GNAO1: variants seen among roughly 807,000 people sequenced by gnomAD.
GNAO1 encodes guanine nucleotide-binding protein G(o) subunit alpha.
For missense variants in GNAO1, 166 were observed against 478.7 expected (o/e 0.35, Z 6.10); for synonymous variants, 164 against 180.7 (o/e 0.91, Z 0.74).
At position 56,351,766 on chromosome 16, in the gene GNAO1, G is replaced by A; in HGVS notation, c.877+229G>A. On this transcript the variant is annotated intron_variant, in intron 7 of 8. Coordinates refer to ENST00000262493, the MANE Select transcript of GNAO1 (RefSeq NM_020988.3). The surrounding 1 kb of genome is among the most constrained non-coding windows in gnomAD (Gnocchi z 6.1). ...GGCCCCTCCTAAGATATATGTGTTAGGACCAAGTGACTCAGGAGTGGTGGG... is the reference window on the plus strand; with the variant it reads ...GGCCCCTCCTAAGATATATGTGTTAAGACCAAGTGACTCAGGAGTGGTGGG... 1 of 516,532 alleles carries A rather than the reference G, an allele frequency of 1.9e-6. No homozygotes were observed. Among genetic ancestry groups the A allele is most frequent in the South Asian group, 2.4e-5 (1 of 42,422 alleles). 32.0% of individuals were successfully genotyped at this position (516,532 alleles called of 1,614,324 possible). A position where few individuals can be genotyped will look rare whatever the true frequency, so the allele number is the denominator to read the frequency against.
At chr16:56,340,355 C>T (rs1350781916) in intron 6 of GNAO1, 1 of 152,694 alleles carries the variant, frequency 6.5e-6, no homozygotes, top group African/African-American at 2.4e-5. Context: ...ATTCGAGGAT[C>T]TCTTAGTCCT....
chr16:56,238,142 T>A (rs1463805864), intron 2 of GNAO1, among the ~76,000 whole-genome samples: 1 of 149,300 alleles, frequency 6.7e-6, no homozygotes, highest in Non-Finnish European at 1.5e-5. Context: ...GGGACGACTT[T>A]TTTTCAGCAG....
chr16:56,234,061 C>T (rs188092689), intron 2 of GNAO1, among the ~76,000 whole-genome samples: 1 of 152,338 alleles, frequency 6.6e-6, no homozygotes, highest in East Asian at 1.9e-4. Context: ...GGTTGATTCA[C>T]TTCTTTCCTT....
chr16:56,339,172 C>T (rs2037773263), intron 6 of GNAO1, among the ~76,000 whole-genome samples: 1 of 152,258 alleles, frequency 6.6e-6, no homozygotes, highest in African/African-American at 2.4e-5. Flanking sequence ...CAGTCATCGC[C>T]GTGCGCTGGG....
At chr16:56,353,712 G>C (rs1333589955) in intron 7 of GNAO1, among the ~76,000 whole-genome samples, 1 of 152,224 alleles carries the variant, frequency 6.6e-6, no homozygotes, top group Non-Finnish European at 1.5e-5. Flanking sequence ...CTCCTGGGCA[G>C]GGTCCACACG....
Position 56,316,660 on chromosome 16 carries a change from C to A in GNAO1, c.304-11971C>A, listed in dbSNP as rs569133382. On this transcript the variant is annotated intron_variant, in intron 3 of 8. Coordinates refer to ENST00000262493, the MANE Select transcript of GNAO1 (RefSeq NM_020988.3). ...TCCACAAACCTGTTCCTCCTGAGGCCCAGACCCTGCCTCCCTGGGGTGGCC... is the reference window on the plus strand; with the variant it reads ...TCCACAAACCTGTTCCTCCTGAGGCACAGACCCTGCCTCCCTGGGGTGGCC... Among the ~76,000 whole-genome samples, 10 of 152,274 alleles carry A rather than the reference C, an allele frequency of 6.6e-5. No homozygotes were observed. In the South Asian group the frequency reaches 2.1e-3, roughly 32 times the overall value.
chr16:56,296,162 A>G (rs1276049674), intron 3 of GNAO1, among the ~76,000 whole-genome samples: 2 of 152,226 alleles, frequency 1.3e-5, no homozygotes, highest in South Asian at 2.1e-4. Flanking sequence ...TTGCCAGCCA[A>G]AACCGAATGG....
chr16:56,229,258 G>A (rs969769959), intron 2 of GNAO1, among the ~76,000 whole-genome samples: 2 of 152,150 alleles, frequency 1.3e-5, no homozygotes, highest in East Asian at 1.9e-4. Flanking sequence ...AGGCTGGAGT[G>A]CAGTGGCATA....
chr16:56,203,078 A>G (rs78815565), intron 2 of GNAO1, among the ~76,000 whole-genome samples: 1,719 of 152,278 alleles, frequency 0.011, 37 homozygotes, highest in African/African-American at 0.035. Flanking sequence ...TCAATTCTCA[A>G]AGGTGCAGAA....
chr16:56,356,053 T>TA (rs1229538505), intron 8 of GNAO1, 50 bp from the exon 9 acceptor site: 2 of 152,630 alleles, frequency 1.3e-5, no homozygotes, highest in Non-Finnish European at 2.9e-5. Flanking sequence ...GGTTGGTTTT[T>TA]AAAATCAAAG....
intron 3 of GNAO1, among the ~76,000 whole-genome samples, chr16:56,281,524 A>G (rs1177402358): frequency 7.1e-6 from 1 of 141,612 alleles, no homozygotes; most frequent in Non-Finnish European, 1.5e-5. Context: ...CTCCCCTTCT[A>G]TCTCTCCCTT....
At chr16:56,325,715 T>C (rs566407788) in intron 3 of GNAO1, among the ~76,000 whole-genome samples, 1 of 152,064 alleles carries the variant, frequency 6.6e-6, no homozygotes, top group East Asian at 1.9e-4. Context: ...TTGGGCCTGG[T>C]AGTAGTCAGG....
chr16:56,329,532 C>T (rs1490335494), intron 4 of GNAO1, among the ~76,000 whole-genome samples: 2 of 152,156 alleles, frequency 1.3e-5, no homozygotes, highest in African/African-American at 2.4e-5. Context: ...TCACTGCTTC[C>T]GTGCCCTTGG....
chr16:56,283,883 C>G (rs1303603828), intron 3 of GNAO1, among the ~76,000 whole-genome samples: 1 of 152,284 alleles, frequency 6.6e-6, no homozygotes, highest in African/African-American at 2.4e-5. Flanking sequence ...TCAAGCCCAT[C>G]TCATTCTGCT....
intron 2 of GNAO1, among the ~76,000 whole-genome samples, chr16:56,197,020 G>A (rs567528727): frequency 6.6e-6 from 1 of 152,324 alleles, no homozygotes; most frequent in Admixed American, 6.5e-5. Context: ...TGTTTGGTAT[G>A]GGTTCAGGGC....
At chr16:56,277,776 TACACACACACACACACACACACACAC>T (rs60891936) in intron 3 of GNAO1, among the ~76,000 whole-genome samples, 3,366 of 108,186 alleles carry the variant, frequency 0.031, 105 homozygotes, top group African/African-American at 0.075. Flanking sequence ...GCACACCCCC[TACACACACACACACACACACACACAC>T]ACACACACAC....
chr16:56,328,502 G>A, intron 3 of GNAO1, 129 bp from the exon 4 acceptor site: 2 of 909,420 alleles, frequency 2.2e-6, no homozygotes, highest in Non-Finnish European at 3.4e-6. Context: ...GCAGGCTGTG[G>A]GCTGAGCTGC....
chr16:56,236,557 T>A (rs1474539577), intron 2 of GNAO1, among the ~76,000 whole-genome samples: 4 of 152,146 alleles, frequency 2.6e-5, no homozygotes, highest in Non-Finnish European at 5.9e-5. Context: ...AGAGACGAAG[T>A]ACCAGTCTTA....
chr16:56,289,487 A>T (rs1318317565), intron 3 of GNAO1, among the ~76,000 whole-genome samples: 2 of 152,210 alleles, frequency 1.3e-5, no homozygotes. Flanking sequence ...GCAGAAAAAC[A>T]CTGTCAAGTG....
Sources: allele counts gnomAD v4.1 joint callset (sites outside exome capture counted in the v4.1 genomes callset), GRCh38; gene constraint gnomAD v4.1.1; non-coding constraint Gnocchi (gnomAD v3.1); transcripts MANE v1.5; gene names NCBI Gene and HGNC (gene_info 2026-07-23, HGNC 2026-07-21).